BEND6: variants seen among roughly 807,000 people sequenced by gnomAD.
BEND6 encodes BEN domain containing 6.
Under a neutral mutation model 31.8 loss-of-function variants are expected in BEND6, and 24 were observed. The ratio of observed to expected loss-of-function variants is 0.75; its 90% CI spans 0.55 to 1.06. BEND6 has a LOEUF of 1.06. Ranked by LOEUF, BEND6 falls within the 50% of genes least tolerant of loss-of-function variation. The pLI is 0.00. For missense variants in BEND6, 294 were observed against 327.4 expected (o/e 0.90, Z 0.79); for synonymous variants, 109 against 114.6 (o/e 0.95, Z 0.31).
intron 1 of BEND6, among the ~76,000 whole-genome samples, chr6:56,956,198 T>C (rs911811802): frequency 2.0e-5 from 3 of 152,276 alleles, no homozygotes; most frequent in African/African-American, 7.2e-5. Flanking sequence ...AACACTTGAC[T>C]GCATTTGCGG....
intron 1 of BEND6, among the ~76,000 whole-genome samples, chr6:56,968,320 T>C (rs1268291301): frequency 3.3e-5 from 4 of 121,088 alleles, no homozygotes; most frequent in Admixed American, 8.2e-5. Flanking sequence ...TTCTTTTTTT[T>C]TTTTTTTTTT....
At chr6:56,979,170 C>T (rs373755228) in intron 1 of BEND6, among the ~76,000 whole-genome samples, 4 of 152,068 alleles carry the variant, frequency 2.6e-5, no homozygotes, top group South Asian at 2.1e-4. Flanking sequence ...CAATTTGAGG[C>T]GCTTCCACCT....
chr6:56,976,857 A>T (rs150348853), intron 1 of BEND6, among the ~76,000 whole-genome samples: 40 of 152,334 alleles, frequency 2.6e-4, no homozygotes, highest in African/African-American at 9.1e-4. Context: ...GAGCACTGCA[A>T]CTGGTAGATT....
intron 6 of BEND6, among the ~76,000 whole-genome samples, chr6:57,021,750 C>T (rs757366162): frequency 2.0e-5 from 3 of 152,112 alleles, no homozygotes; most frequent in Non-Finnish European, 2.9e-5. Flanking sequence ...ATTTCCAAAG[C>T]GGCCTCAGGG....
In BEND6 at chr6:57,026,729, A is replaced by G. The variant is rs1247747408; in HGVS notation, c.*657A>G. 3.9e-5 allele frequency: 6 copies of G among 152,372 alleles called. 1 individual carries two copies. The highest frequency in any genetic ancestry group is 1.4e-4 in the African/African-American group (6 of 41,582). The allele number at this position is 152,372 out of a possible 1,614,324, so 9.4% of individuals were successfully genotyped here. A position where few individuals can be genotyped will look rare whatever the true frequency, so the allele number is the denominator to read the frequency against. ...AAGATGTTTTATTTTAATGTTAAGC[A>G]ATTCCACCACACTTCTGAAGAATAA... On this transcript the variant is annotated 3_prime_UTR_variant, in exon 7 of 7. Transcript: ENST00000370746.
rs987815449 is a variant in BEND6 at position 57,026,722 on chromosome 6, G to A, written c.*650G>A. On this transcript the variant is annotated 3_prime_UTR_variant, in exon 7 of 7. Transcript: ENST00000370746. ...CAACAGCAAGATGTTTTATTTTAAT[G>A]TTAAGCAATTCCACCACACTTCTGA... 2.6e-5 allele frequency: 4 copies of A among 152,148 alleles called. No homozygotes were observed. The highest frequency in any genetic ancestry group is 9.7e-5 in the African/African-American group (4 of 41,438). 9.4% of individuals were successfully genotyped at this position (152,148 alleles called of 1,614,324 possible). A position where few individuals can be genotyped will look rare whatever the true frequency, so the allele number is the denominator to read the frequency against.
intron 6 of BEND6, among the ~76,000 whole-genome samples, chr6:57,021,636 CT>C (rs1358243363): frequency 1.3e-5 from 2 of 152,246 alleles, no homozygotes; most frequent in African/African-American, 4.8e-5. Flanking sequence ...TTTTTTACTT[CT>C]TTCTTGCAGG....
intron 2 of BEND6, among the ~76,000 whole-genome samples, chr6:56,987,007 G>A (rs1233604381): frequency 7.9e-6 from 1 of 125,818 alleles, no homozygotes; most frequent in Non-Finnish European, 1.6e-5. Flanking sequence ...ACAGACTCTT[G>A]CTGTATCACC....
intron 1 of BEND6, among the ~76,000 whole-genome samples, chr6:56,962,939 C>T (rs1323022579): frequency 6.6e-6 from 1 of 152,198 alleles, no homozygotes; most frequent in African/African-American, 2.4e-5. Context: ...TATCTACTCT[C>T]TGCTAAATGC....
rs1181769904 is a variant in BEND6 at position 57,004,754 on chromosome 6, C to T, written c.299-10379C>T. On this transcript the variant is annotated intron_variant, in intron 3 of 6. Transcript: ENST00000370746. Reference sequence around the variant, plus strand: ...CCCCATTTGTGTGACTTCACTGAGACACATCACCTGAATGAGCAGGTGAAA... The same window carrying T: ...CCCCATTTGTGTGACTTCACTGAGATACATCACCTGAATGAGCAGGTGAAA... The T allele has an allele frequency of 1.3e-5, 15 of 1,144,266 alleles. No individual in the cohort carries two copies. The South Asian group carries it at 1.7e-4, about 13-fold the overall frequency. 70.9% of individuals were successfully genotyped at this position (1,144,266 alleles called of 1,614,324 possible).
intron 6 of BEND6, among the ~76,000 whole-genome samples, chr6:57,019,646 A>G (rs367800644): frequency 1.9e-4 from 29 of 152,292 alleles, no homozygotes; most frequent in African/African-American, 6.5e-4. Context: ...TCCCTTATCT[A>G]TTTTGCTACA....
At chr6:56,995,751 G>A (rs1028554574) in intron 3 of BEND6, among the ~76,000 whole-genome samples, 1 of 152,060 alleles carries the variant, frequency 6.6e-6, no homozygotes, top group Non-Finnish European at 1.5e-5. Context: ...ATTTCAACTC[G>A]ATTACATCTG....
At chr6:57,020,127 T>A (rs372015904) in intron 6 of BEND6, among the ~76,000 whole-genome samples, 1 of 152,272 alleles carries the variant, frequency 6.6e-6, no homozygotes, top group African/African-American at 2.4e-5. Flanking sequence ...TACCTGTATC[T>A]TTTTTCTCCA....
intron 3 of BEND6, among the ~76,000 whole-genome samples, chr6:57,006,310 G>C (rs563447820): frequency 6.6e-6 from 1 of 152,198 alleles, no homozygotes; most frequent in South Asian, 2.1e-4. Context: ...GTGACGTGCA[G>C]TTACACAAGA....
intron 6 of BEND6, 132 bp downstream of exon 6, chr6:57,018,689 C>T: frequency 1.0e-6 from 1 of 976,258 alleles, no homozygotes; most frequent in African/African-American, 1.7e-5. Flanking sequence ...AATAGGTATT[C>T]CTGGTGGCAA....
intron 1 of BEND6, among the ~76,000 whole-genome samples, chr6:56,963,178 C>T (rs959815381): frequency 2.6e-5 from 4 of 152,184 alleles, no homozygotes; most frequent in African/African-American, 9.6e-5. Context: ...CACTGCAGCT[C>T]TTCCCCTAAA....
At chr6:56,999,540 G>A (rs913291567) in intron 3 of BEND6, among the ~76,000 whole-genome samples, 1 of 152,218 alleles carries the variant, frequency 6.6e-6, no homozygotes, top group Admixed American at 6.5e-5. Flanking sequence ...ACACCTCTGG[G>A]CGCTTGGTGG....
At chr6:56,969,475 A>T (rs890973224) in intron 1 of BEND6, among the ~76,000 whole-genome samples, 1 of 152,170 alleles carries the variant, frequency 6.6e-6, no homozygotes, top group Admixed American at 6.5e-5. Flanking sequence ...TTTAGAGGGG[A>T]GTCTTCAGTT....
intron 3 of BEND6, among the ~76,000 whole-genome samples, chr6:57,001,835 A>G (rs1826956784): frequency 6.6e-6 from 1 of 152,260 alleles, no homozygotes; most frequent in African/African-American, 2.4e-5. Context: ...CACATGATAG[A>G]AACTACAAAG....
Sources: gnomAD v4.1 joint callset for allele counts (sites outside exome capture counted in the v4.1 genomes callset) on GRCh38, gnomAD v4.1.1 for gene constraint, MANE v1.5 for transcripts, NCBI Gene and HGNC (gene_info 2026-07-23, HGNC 2026-07-21) for gene names.